G6PD: variants seen among roughly 807,000 people sequenced by gnomAD.
G6PD encodes the protein glucose-6-phosphate dehydrogenase.
In G6PD, 2 loss-of-function variants were observed where a neutral mutation model predicts 38.2. The observed-to-expected ratio is 0.05, with a 90% CI of 0.02 to 0.16. The LOEUF is 0.16. G6PD is among the 10% of genes least tolerant of loss of function. G6PD has a pLI of 1.00. For missense variants in G6PD, 310 were observed against 471.6 expected (o/e 0.66, Z 3.17); for synonymous variants, 188 against 196.0 (o/e 0.96, Z 0.34).
At chrX:154,534,971 T>TGGCCG in intron 5 of G6PD, 197 bp downstream of exon 5, 1 of 476,513 alleles carries the variant, frequency 2.1e-6, no homozygotes, top group Non-Finnish European at 3.6e-6. Context: ...CCCTGCGGCC[T>TGGCCG]GGCCGGGCCT....
chrX:154,546,181 C>T lies in G6PD; in HGVS notation c.-8-18G>A, dbSNP rs1557233235. 6 of 1,209,177 alleles carry T rather than the reference C, an allele frequency of 5.0e-6. No homozygotes were observed. The highest frequency in any genetic ancestry group is 6.7e-6 in the Non-Finnish European group (6 of 895,174). Reference sequence around the variant, plus strand: ...GACGCTGTCTGGTGGAAGAAAGGCTCGTTAACAAGGCAGAAGAACAGGAGA... The same window carrying T: ...GACGCTGTCTGGTGGAAGAAAGGCTTGTTAACAAGGCAGAAGAACAGGAGA... On this transcript the variant is annotated intron_variant, in intron 1 of 12. Transcript: ENST00000393562.
chrX:154,547,288 C>A (rs1387461987), upstream of G6PD: 35 of 738,103 alleles, frequency 4.7e-5, no homozygotes, highest in Non-Finnish European at 5.4e-5. Context: ...CCGCGCCACT[C>A]CCCCGGGAAC....
chrX:154,546,800 C>T lies in G6PD; in HGVS notation c.-20G>A. 2 of 1,162,128 alleles carry T rather than the reference C, an allele frequency of 1.7e-6. No homozygotes were observed. The highest frequency in any genetic ancestry group is 2.3e-6 in the Non-Finnish European group (2 of 872,733). On this transcript the variant is annotated 5_prime_UTR_variant, in exon 1 of 13. Coordinates refer to ENST00000393562, the MANE Select transcript of G6PD (RefSeq NM_001360016.2). ...GCCCGGCCGGTTACCTGCGCTTCGT[C>T]GTCGTCGCCCTCCGCGCTCGCAGCC...
chrX:154,546,158 C>G lies in G6PD; in HGVS notation c.-3G>C, dbSNP rs373126405. ...CTCAGGGCCACCTGCTCTGCCATGA[C>G]GCTGTCTGGTGGAAGAAAGGCTCGT... On this transcript the variant is annotated 5_prime_UTR_variant, in exon 2 of 13. Transcript: ENST00000393562. 5 of 1,211,698 alleles carry G rather than the reference C, an allele frequency of 4.1e-6. No homozygotes were observed. The highest frequency in any genetic ancestry group is 4.5e-6 in the Non-Finnish European group (4 of 895,575).
intron 2 of G6PD, among the ~76,000 whole-genome samples, chrX:154,539,790 T>C (rs192791926): frequency 1.8e-5 from 2 of 110,628 alleles, no homozygotes; most frequent in Admixed American, 1.9e-4. Context: ...TGGCGTGATC[T>C]TGGCTCACTG....
At chrX:154,545,799 C>T (rs1603415002) in intron 2 of G6PD, 1 of 362,213 alleles carries the variant, frequency 2.8e-6, no homozygotes, top group South Asian at 3.5e-5. Flanking sequence ...GGCGCCACTG[C>T]ACCCCATCCT....
chrX:154,544,067 T>A (rs918940237), intron 2 of G6PD, among the ~76,000 whole-genome samples: 7 of 110,189 alleles, frequency 6.4e-5, no homozygotes, highest in African/African-American at 2.3e-4. Context: ...TTCACCATGT[T>A]AGCCAGGATG....
chrX:154,545,218 T>C (rs1181650090), intron 2 of G6PD, among the ~76,000 whole-genome samples: 1 of 111,104 alleles, frequency 9.0e-6, no homozygotes, highest in Non-Finnish European at 1.9e-5. Context: ...GAGTGCAGAA[T>C]GGCGGTTCTA....
chrX:154,546,781 C>T lies in G6PD; in HGVS notation c.-9+8G>A, dbSNP rs1335366671. 2.6e-6 allele frequency: 3 copies of T among 1,155,627 alleles called. No homozygotes were observed. Among genetic ancestry groups the T allele is most frequent in the East Asian group, 3.3e-5 (1 of 30,546 alleles). On this transcript the variant is annotated splice_region_variant and intron_variant, in intron 1 of 12. Coordinates refer to ENST00000393562, the MANE Select transcript of G6PD (RefSeq NM_001360016.2). Reference sequence around the variant, plus strand: ...CTCCGCCTGCGCGGCGCCCGCCCGGCCGGTTACCTGCGCTTCGTCGTCGTC... The same window carrying T: ...CTCCGCCTGCGCGGCGCCCGCCCGGTCGGTTACCTGCGCTTCGTCGTCGTC...
Position 154,535,952 on chromosome X carries a change from A to T in G6PD, c.252T>A (p.Ser84Arg). 1 of 1,210,108 alleles carries T rather than the reference A, an allele frequency of 8.3e-7. No homozygotes were observed. Among genetic ancestry groups the T allele is most frequent in the Non-Finnish European group, 1.1e-6 (1 of 894,162 alleles). The change falls in exon 4 of 13, where the codon AGT (serine) becomes AGA (arginine). Residue 84 changes from serine to arginine, a missense_variant. Transcript: ENST00000393562. ...RLTVADIRKQ[S>R]EPFFKATPEE... ...CACCACCCACCTTGAAGAAGGGCTC[A>T]CTCTGTTTGCGGATGTCAGCCACTG...
In G6PD at chrX:154,539,060, C is replaced by T. The variant is rs1016763259; in HGVS notation, c.121-2882G>A. Among the ~76,000 whole-genome samples, 16 of 111,613 alleles carry T rather than the reference C, an allele frequency of 1.4e-4. No individual in the cohort carries two copies. In the Admixed American group the frequency reaches 1.5e-3, roughly 11 times the overall value. On this transcript the variant is annotated intron_variant, in intron 2 of 12. Transcript: ENST00000393562. ...TAAGCAATCAGGAACAAGAAAAGTGCAGTAAGGCAAGAAAATGAAAATGGC... is the reference window on the plus strand; with the variant it reads ...TAAGCAATCAGGAACAAGAAAAGTGTAGTAAGGCAAGAAAATGAAAATGGC...
rs782020986 is a variant in G6PD at position 154,534,264 on chromosome X, G to A, written c.644+74C>T. The A allele has an allele frequency of 7.7e-5, 92 of 1,201,641 alleles. 1 individual carries two copies. The South Asian group carries it at 1.4e-3, about 19-fold the overall frequency. On this transcript the variant is annotated intron_variant, in intron 6 of 12. Coordinates refer to ENST00000393562, the MANE Select transcript of G6PD (RefSeq NM_001360016.2). ...CTGAGTTCTGGAGGAATTCGTCCTCGGGGAGGCAGTGGGCCAGGTGAGGCT... is the reference window on the plus strand; with the variant it reads ...CTGAGTTCTGGAGGAATTCGTCCTCAGGGAGGCAGTGGGCCAGGTGAGGCT...
chrX:154,543,442 G>A (rs1557232454), intron 2 of G6PD, among the ~76,000 whole-genome samples: 2 of 112,373 alleles, frequency 1.8e-5, no homozygotes, highest in Non-Finnish European at 3.8e-5. Context: ...GGAAAAGGAA[G>A]ACACTTGCTC....
intron 2 of G6PD, among the ~76,000 whole-genome samples, chrX:154,539,383 G>A (rs782203989): frequency 1.7e-4 from 19 of 112,438 alleles, no homozygotes; most frequent in African/African-American, 5.8e-4. Flanking sequence ...CAGATCAGCG[G>A]TTGCCTGGAG....
Position 154,532,030 on chromosome X carries a change from G to T in G6PD, c.1518C>A (p.Thr506=). ...MKRVGFQYEG[T]YKWVNPHKL ...GCTTGTGGGGGTTCACCCACTTGTA[G>T]GTGCCCTCATACTGGAAACCCACTC... The change falls in exon 13 of 13, where the codon ACC becomes ACA. Residue 506 remains threonine, a synonymous_variant. Coordinates refer to ENST00000393562, the MANE Select transcript of G6PD (RefSeq NM_001360016.2). 8.3e-7 allele frequency: 1 copy of T among 1,210,736 alleles called. No homozygotes were observed. The highest frequency in any genetic ancestry group is 1.1e-6 in the Non-Finnish European group (1 of 895,257).
rs202122673 is a variant in G6PD, at chrX:154,532,204, G to A, written c.1441C>T (p.Pro481Ser). 136 of 1,209,809 alleles carry A rather than the reference G, an allele frequency of 1.1e-4. No homozygotes were observed. The highest frequency in any genetic ancestry group is 1.3e-4 in the Non-Finnish European group (120 of 895,006). ...QIELEKPKPIPYIYGSRGPTE... is the reference protein window; with the variant it reads ...QIELEKPKPISYIYGSRGPTE... The stretch of plus-strand genomic sequence containing the variant: ...TTTCCTCACCTGCCATAAATATAGG[G>A]GATGGGCTTGGGCTTCTCCAGCTCA... Residue 481 changes from proline (P) to serine (S), a missense_variant, in exon 12 of 13, where the codon CCC becomes TCC. Pro to Ser is a moderately conservative substitution (Grantham distance 74, BLOSUM62 -1). This residue lies in a region of G6PD where 168 missense variants were observed against 309.2 expected (regional missense o/e 0.54). Coordinates refer to ENST00000393562, the MANE Select transcript of G6PD (RefSeq NM_001360016.2).
At chrX:154,533,527 A>T in intron 8 of G6PD, 49 bp downstream of exon 8, 1 of 1,195,010 alleles carries the variant, frequency 8.4e-7, no homozygotes, top group Non-Finnish European at 1.1e-6. Flanking sequence ...CTCGTCACAG[A>T]TGGGCCTGCG....
rs782315044 is a variant in G6PD, at chrX:154,535,363, T to C, written c.290A>G (p.Lys97Arg). The C allele has an allele frequency of 1.7e-6, 2 of 1,211,380 alleles. No homozygotes were observed. The highest frequency in any genetic ancestry group is 3.5e-5 in the South Asian group (2 of 56,945). The part of the protein sequence containing the change: ...FFKATPEEKL[K>R]LEDFFARNSY... ...GTTGCGGGCAAAGAAGTCCTCCAGC[T>C]TGAGCTTCTCCTCTGGGGTGGCCTG... Residue 97 changes from lysine (K) to arginine (R), a missense_variant, in exon 5 of 13, where the codon AAG (lysine) becomes AGG (arginine). Physicochemically the swap from Lys to Arg is conservative, Grantham distance 26. This residue lies in a region of G6PD where 96 missense variants were observed against 93.3 expected (regional missense o/e 1.03). Coordinates refer to ENST00000393562, the MANE Select transcript of G6PD (RefSeq NM_001360016.2).
intron 4 of G6PD, 93 bp downstream of exon 4, chrX:154,535,844 G>C: frequency 1.4e-6 from 1 of 711,751 alleles, no homozygotes; most frequent in East Asian, 3.4e-5. Flanking sequence ...AGAGCATCCC[G>C]GGATGGGATG....
Sources: gnomAD v4.1 joint callset for allele counts (sites outside exome capture counted in the v4.1 genomes callset) on GRCh38, gnomAD v4.1.1 for gene constraint, gnomAD v4.1.1 regional missense constraint, MANE v1.5 for transcripts, NCBI Gene and HGNC (gene_info 2026-07-23, HGNC 2026-07-21) for gene names.